Variants in MAST4 observed in about 807,000 individuals in gnomAD.
The protein encoded by MAST4 is microtubule associated serine/threonine kinase family member 4, also known as microtubule-associated serine/threonine-protein kinase 4.
Under a neutral mutation model 162.7 loss-of-function variants are expected in MAST4, and 89 were observed. The observed-to-expected ratio is 0.55, with a 90% CI of 0.46 to 0.65. The LOEUF is 0.65. MAST4 is among the 30% of genes least tolerant of loss of function. MAST4 has a pLI of 0.00. For missense variants in MAST4, 3,153 were observed against 3,374.0 expected (o/e 0.93, Z 1.62); for synonymous variants, 1,479 against 1,361.1 (o/e 1.09, Z -1.91).
chr5:66,946,765 G>C (rs555990959), intron 4 of MAST4, among the ~76,000 whole-genome samples: 6 of 152,282 alleles, frequency 3.9e-5, no homozygotes, highest in African/African-American at 1.2e-4. Context: ...TAGTCAGATA[G>C]ATTCAGGTCT....
At chr5:66,967,500 G>A (rs920869344) in intron 4 of MAST4, among the ~76,000 whole-genome samples, 2 of 151,998 alleles carry the variant, frequency 1.3e-5, no homozygotes, top group South Asian at 2.1e-4. Flanking sequence ...AAATTTGGGC[G>A]CAGTATGAAG....
chr5:66,744,036 T>C (rs1363868421), intron 1 of MAST4, among the ~76,000 whole-genome samples: 4 of 152,130 alleles, frequency 2.6e-5, no homozygotes, highest in African/African-American at 9.7e-5. Context: ...CTCTCTCTCT[T>C]CTTTATCCCT....
intron 4 of MAST4, among the ~76,000 whole-genome samples, chr5:66,927,640 T>C (rs748240718): frequency 9.9e-4 from 151 of 151,986 alleles, no homozygotes; most frequent in East Asian, 1.2e-3. Context: ...AGGCAGAGAG[T>C]CACACACAGT....
At chr5:66,843,319 T>A (rs1758556763) in intron 3 of MAST4, among the ~76,000 whole-genome samples, 1 of 152,348 alleles carries the variant, frequency 6.6e-6, no homozygotes, top group Middle Eastern at 3.4e-3. Flanking sequence ...CCACCACTTT[T>A]CATTTGTCAA....
intron 4 of MAST4, among the ~76,000 whole-genome samples, chr5:66,985,902 T>TA (rs1486659968): frequency 6.6e-6 from 1 of 152,198 alleles, no homozygotes; most frequent in African/African-American, 2.4e-5. Context: ...GCATCTCACC[T>TA]ACTTCTAAAA....
chr5:66,977,336 G>A (rs1449238528), intron 4 of MAST4, among the ~76,000 whole-genome samples: 1 of 151,964 alleles, frequency 6.6e-6, no homozygotes, highest in Non-Finnish European at 1.5e-5. Flanking sequence ...CCCAACCTCA[G>A]GTGATCCACC....
chr5:67,002,641 A>AGT (rs989072419), intron 4 of MAST4, among the ~76,000 whole-genome samples: 3 of 152,220 alleles, frequency 2.0e-5, no homozygotes, highest in East Asian at 3.9e-4. Flanking sequence ...ATTTATGCGC[A>AGT]GTGTGTGTGT....
rs547971186 is a variant in MAST4, at chr5:66,690,254, A to G, written c.364-69455A>G. On this transcript the variant is annotated intron_variant, in intron 1 of 28. Transcript: ENST00000403625. The stretch of plus-strand genomic sequence containing the variant: ...TTGAGGGTCAAATAATGACTGCAGA[A>G]GCATTTGAAGAACTTTGGAAACGCT... 3.0e-4 allele frequency among the ~76,000 whole-genome samples: 46 copies of G among 152,330 alleles called. No homozygotes were observed. The South Asian group carries it at 3.5e-3, about 12-fold the overall frequency.
chr5:67,114,449 A>ATCCT (rs1766640276), intron 12 of MAST4: 2 of 458,026 alleles, frequency 4.4e-6, no homozygotes, highest in Non-Finnish European at 7.6e-6. Flanking sequence ...AGGCCTTGAC[A>ATCCT]TCCTAGAAGC....
intron 4 of MAST4, among the ~76,000 whole-genome samples, chr5:66,926,660 ATGTG>A (rs559644750): frequency 2.0e-5 from 3 of 151,478 alleles, no homozygotes; most frequent in African/African-American, 7.3e-5. Context: ...ATGTATATAT[ATGTG>A]TGTGTGTATA....
chr5:67,131,949 C>T lies in MAST4; in HGVS notation c.2091C>T (p.Asp697=). The change falls in exon 16 of 29, where the codon GAC becomes GAT. Residue 697 remains aspartate, a splice_region_variant and synonymous_variant. Transcript: ENST00000403625. ...YGIVHRDLKP[D]NLLVTSMGHI... ...TTGTACACAGGGATTTGAAACCAGA[C>T]AAGTATGTACACAAATGAAATATAT... 1 of 1,612,148 alleles carries T rather than the reference C, an allele frequency of 6.2e-7. No homozygotes were observed. The highest frequency in any genetic ancestry group is 8.5e-7 in the Non-Finnish European group (1 of 1,178,802).
intron 3 of MAST4, among the ~76,000 whole-genome samples, chr5:66,865,396 C>T (rs1380976795): frequency 6.6e-6 from 1 of 150,670 alleles, no homozygotes; most frequent in Non-Finnish European, 1.5e-5. Flanking sequence ...TGCAGGATTA[C>T]ACTAGTCAGT....
At chr5:66,905,466 T>G (rs550219328) in intron 4 of MAST4, among the ~76,000 whole-genome samples, 1 of 152,298 alleles carries the variant, frequency 6.6e-6, no homozygotes, top group African/African-American at 2.4e-5. Context: ...AAGGTTTTGC[T>G]TATTTTAATT....
At chr5:67,120,978 A>C in intron 13 of MAST4, 39 bp from the exon 14 acceptor site, 1 of 1,423,386 alleles carries the variant, frequency 7.0e-7, no homozygotes, top group South Asian at 1.2e-5. Flanking sequence ...ATTTTCTTAA[A>C]TCTAAACTAC....
intron 4 of MAST4, among the ~76,000 whole-genome samples, chr5:67,024,702 A>G (rs1754426414): frequency 6.6e-6 from 1 of 152,148 alleles, no homozygotes; most frequent in South Asian, 2.1e-4. Context: ...GAAGAAACTG[A>G]TAGGTCCACA....
chr5:67,097,599 T>C (rs1764604354), intron 7 of MAST4, among the ~76,000 whole-genome samples: 1 of 152,160 alleles, frequency 6.6e-6, no homozygotes, highest in Admixed American at 6.5e-5. Context: ...ATTCTGTATG[T>C]GCCTACGGAA....
chr5:66,887,893 A>AC (rs1239177435), intron 3 of MAST4, among the ~76,000 whole-genome samples: 1 of 152,118 alleles, frequency 6.6e-6, no homozygotes, highest in East Asian at 1.9e-4. Flanking sequence ...ATTCCTGCAT[A>AC]CTTCCAGATG....
intron 3 of MAST4, among the ~76,000 whole-genome samples, chr5:66,889,387 A>T (rs541712408): frequency 6.6e-6 from 1 of 152,364 alleles, no homozygotes; most frequent in African/African-American, 2.4e-5. Context: ...GTCCACAATG[A>T]CTTTAATTTT....
chr5:67,153,167 C>G (rs917834615), intron 25 of MAST4, among the ~76,000 whole-genome samples: 10 of 152,114 alleles, frequency 6.6e-5, no homozygotes, highest in Non-Finnish European at 1.5e-4. Context: ...TTTTTCCTAG[C>G]CTTCTTTTTA....
Sources: gnomAD v4.1 joint callset for allele counts (sites outside exome capture counted in the v4.1 genomes callset) on GRCh38, gnomAD v4.1.1 for gene constraint, MANE v1.5 for transcripts, NCBI Gene and HGNC (gene_info 2026-07-23, HGNC 2026-07-21) for gene names.